The following SYTL3 variants were observed in gnomAD, a reference collection of about 807,000 sequenced individuals.
The protein encoded by SYTL3 is synaptotagmin-like protein 3.
In SYTL3, 88 loss-of-function variants were observed where a neutral mutation model predicts 82.1. The ratio of observed to expected loss-of-function variants is 1.07; its 90% CI spans 0.90 to 1.28. SYTL3 has a LOEUF of 1.28. Among genes scored for constraint, SYTL3 ranks in the 50% most tolerant of loss-of-function variants. The pLI is 0.00. For synonymous variants in SYTL3, 311 were observed against 289.4 expected (o/e 1.07, Z -0.76); for missense variants, 831 against 757.6 (o/e 1.10, Z -1.14).
intron 6 of SYTL3, among the ~76,000 whole-genome samples, chr6:158,703,929 T>C (rs1035740624): frequency 1.1e-4 from 16 of 151,428 alleles, no homozygotes; most frequent in Admixed American, 3.9e-4. Flanking sequence ...AACCTTTGCC[T>C]CTTGAGTTCA....
chr6:158,674,098 A>AATAATAATAATAAT (rs1554244721), intron 5 of SYTL3, among the ~76,000 whole-genome samples: 154 of 139,200 alleles, frequency 1.1e-3, no homozygotes, highest in East Asian at 5.0e-3. Flanking sequence ...TAATAATAAT[A>AATAATAATAATAAT]ATAATAATAA....
At position 158,652,500 on chromosome 6, in the gene SYTL3, C is replaced by A. The variant is rs553237569; in HGVS notation, c.-637+658C>A. Among the ~76,000 whole-genome samples the A allele has an allele frequency of 1.9e-4, 29 of 152,086 alleles. 1 individual carries two copies. Among genetic ancestry groups the A allele is most frequent in the Non-Finnish European group, 3.7e-4 (25 of 67,990 alleles). ...TCCTGACTTCATGATCCACCTGCCT[C>A]GTCCTCCCAAAGTGCTGGGATTACA... is the stretch of plus-strand genomic sequence containing the variant. On this transcript the variant is annotated intron_variant, in intron 2 of 17. Transcript: ENST00000611299.
At chr6:158,668,617 C>A (rs1334831066) in intron 5 of SYTL3, among the ~76,000 whole-genome samples, 1 of 152,148 alleles carries the variant, frequency 6.6e-6, no homozygotes, top group African/African-American at 2.4e-5. Context: ...AAGCGAACAC[C>A]ATGCCGAAAG....
In SYTL3 at chr6:158,764,767, T is replaced by C. The variant is rs2128560179; in HGVS notation, c.*163T>C. ...GCTTAACCGCCTATTGGTATCTGTG[T>C]ATATTTACGTTAAACACAATTATGT... On this transcript the variant is annotated 3_prime_UTR_variant, in exon 18 of 18. Coordinates refer to ENST00000611299, the MANE Select transcript of SYTL3 (RefSeq NM_001242394.2). 1.8e-6 allele frequency: 1 copy of C among 557,116 alleles called. No individual in the cohort carries two copies. The highest frequency in any genetic ancestry group is 2.5e-5 in the South Asian group (1 of 40,150). 34.5% of individuals were successfully genotyped at this position (557,116 alleles called of 1,614,324 possible).
intron 6 of SYTL3, among the ~76,000 whole-genome samples, chr6:158,693,850 C>CTTTTTT (rs1357595960): frequency 6.8e-5 from 4 of 58,436 alleles, no homozygotes; most frequent in African/African-American, 2.7e-4. Context: ...CTTTCTTTTT[C>CTTTTTT]TTTTCTTTTT....
chr6:158,757,027 C>T (rs1318629026), intron 13 of SYTL3, among the ~76,000 whole-genome samples, 184 bp from the exon 14 acceptor site: 1 of 137,794 alleles, frequency 7.3e-6, no homozygotes, highest in African/African-American at 2.6e-5. Flanking sequence ...TGGCTGTAAG[C>T]ACCTTGACCC....
chr6:158,699,005 C>T (rs1022994449), intron 6 of SYTL3, among the ~76,000 whole-genome samples: 2 of 152,202 alleles, frequency 1.3e-5, no homozygotes, highest in African/African-American at 4.8e-5. Flanking sequence ...CTCCTGACTG[C>T]CTGTCTGTAG....
chr6:158,726,719 A>G (rs6910753), intron 11 of SYTL3: 48,842 of 253,908 alleles, frequency 0.19, 5,609 homozygotes, highest in Non-Finnish European at 0.25. Context: ...CCCAGCATCT[A>G]ATTTCCCATA....
chr6:158,704,620 G>GC (rs1380277432), intron 6 of SYTL3, among the ~76,000 whole-genome samples: 2 of 152,256 alleles, frequency 1.3e-5, no homozygotes, highest in Non-Finnish European at 2.9e-5. Context: ...GAGTGAAAGG[G>GC]CAAGGCCTGC....
chr6:158,756,093 A>G (rs1380745646), intron 13 of SYTL3, among the ~76,000 whole-genome samples: 1 of 152,258 alleles, frequency 6.6e-6, no homozygotes, highest in African/African-American at 2.4e-5. Flanking sequence ...TTATTGAGAA[A>G]ATCCAACTAA....
intron 10 of SYTL3, among the ~76,000 whole-genome samples, chr6:158,724,018 A>T (rs1273330904): frequency 6.6e-6 from 1 of 152,206 alleles, no homozygotes; most frequent in Non-Finnish European, 1.5e-5. Context: ...AGCCAGCCTC[A>T]GCATCCTCTC....
At chr6:158,704,587 A>T (rs1583301739) in intron 6 of SYTL3, among the ~76,000 whole-genome samples, 2 of 152,384 alleles carry the variant, frequency 1.3e-5, no homozygotes, top group South Asian at 2.1e-4. Context: ...TAGGCAGGGC[A>T]ATAAGGGACA....
intron 11 of SYTL3, among the ~76,000 whole-genome samples, chr6:158,739,688 TGGG>T (rs1197617043): frequency 6.6e-6 from 1 of 152,134 alleles, no homozygotes; most frequent in Non-Finnish European, 1.5e-5. Flanking sequence ...CCAGAACTCT[TGGG>T]CTTAGCAGGA....
At chr6:158,664,276 G>A (rs1789743151) in intron 4 of SYTL3, among the ~76,000 whole-genome samples, 1 of 152,218 alleles carries the variant, frequency 6.6e-6, no homozygotes, top group Admixed American at 6.5e-5. Flanking sequence ...TGGGCGTGGT[G>A]GCTCACGCCT....
chr6:158,661,352 C>T lies in SYTL3; in HGVS notation c.-553C>T, dbSNP rs1456733400. On this transcript the variant is annotated 5_prime_UTR_variant, in exon 3 of 18. Coordinates refer to ENST00000611299, the MANE Select transcript of SYTL3 (RefSeq NM_001242394.2). ...GATCTAAGGAGGGAAGAGGCGTTGC[C>T]CCTGCTGGCATAGTCAGGTACCAGC... 6.6e-6 allele frequency: 1 copy of T among 152,182 alleles called. No individual in the cohort carries two copies. Among genetic ancestry groups the T allele is most frequent in the Non-Finnish European group, 1.5e-5 (1 of 68,056 alleles). 9.4% of individuals were successfully genotyped at this position (152,182 alleles called of 1,614,324 possible).
intron 5 of SYTL3, among the ~76,000 whole-genome samples, chr6:158,667,618 C>T (rs1790232686): frequency 1.3e-5 from 2 of 152,192 alleles, no homozygotes; most frequent in South Asian, 4.1e-4. Flanking sequence ...AGGTTTTTGA[C>T]CCCGATCATT....
rs1167530895 is a variant in SYTL3 at position 158,764,517 on chromosome 6, G to T, written c.1746G>T (p.Gly582=). 1.2e-6 allele frequency: 2 copies of T among 1,613,898 alleles called. No individual in the cohort carries two copies. The highest frequency in any genetic ancestry group is 1.7e-4 in the Middle Eastern group (1 of 5,924). The change falls in exon 18 of 18, where the codon GGG becomes GGT. Residue 582 remains glycine (G), a synonymous_variant. Coordinates refer to ENST00000611299, the MANE Select transcript of SYTL3 (RefSeq NM_001242394.2). The stretch of plus-strand genomic sequence containing the variant: ...CAGAGGGAGACACAGCTGTTGGCGG[G>T]GATGCATGCTCACTATCGAAGCTCC... ...LGSKGDTAVG[G]DACSLSKLQW...
intron 11 of SYTL3, among the ~76,000 whole-genome samples, chr6:158,737,419 C>CT (rs1378736447): frequency 1.3e-5 from 2 of 152,222 alleles, no homozygotes; most frequent in African/African-American, 4.8e-5. Context: ...TCAGTTGACT[C>CT]TGAGTTTTCT....
At chr6:158,670,299 C>T (rs317802) in intron 5 of SYTL3, among the ~76,000 whole-genome samples, 82,752 of 152,058 alleles carry the variant, frequency 0.54, 24,493 homozygotes, top group East Asian at 0.89. Flanking sequence ...ATATATCTAC[C>T]CTTCAAGTGA....
Sources: allele counts gnomAD v4.1 joint callset (sites outside exome capture counted in the v4.1 genomes callset), GRCh38; gene constraint gnomAD v4.1.1; transcripts MANE v1.5; gene names NCBI Gene and HGNC (gene_info 2026-07-23, HGNC 2026-07-21).